The following RAMAC variants were observed in gnomAD, a reference collection of about 807,000 sequenced individuals.
RAMAC encodes the protein RNA guanine-7 methyltransferase activating subunit.
A neutral mutation model predicts 17.9 loss-of-function variants in RAMAC; 11 were observed. The observed-to-expected ratio is 0.61, with a 90% CI of 0.39 to 1.02. The LOEUF (loss-of-function observed/expected upper bound fraction) is 1.02. Ranked by LOEUF, RAMAC falls within the 50% of genes least tolerant of loss-of-function variation. The pLI is 0.01. For missense variants in RAMAC, 109 were observed against 144.0 expected (o/e 0.76, Z 1.25); for synonymous variants, 27 against 48.4 (o/e 0.56, Z 1.84).
intron 2 of RAMAC, 158 bp from the exon 3 acceptor site, chr15:82,988,851 AT>A (rs781181852): frequency 1.7e-5 from 11 of 663,106 alleles, no homozygotes; most frequent in Admixed American, 1.3e-4. Flanking sequence ...AAAAAAAAAA[AT>A]GTTGAATTCA....
chr15:82,990,587 G>A lies in RAMAC; in HGVS notation c.*520G>A. The stretch of plus-strand genomic sequence containing the variant: ...TTGTTAAGTGACTATGGTACTTTGT[G>A]ATTCCTTAATCTATAGATGAGTCAG... On this transcript the variant is annotated 3_prime_UTR_variant, in exon 4 of 4. Transcript: ENST00000304191. 1.9e-6 allele frequency: 2 copies of A among 1,079,744 alleles called. No homozygotes were observed. Among genetic ancestry groups the A allele is most frequent in the Non-Finnish European group, 2.7e-6 (2 of 748,630 alleles). 66.9% of individuals were successfully genotyped at this position (1,079,744 alleles called of 1,614,324 possible). A position where few individuals can be genotyped will look rare whatever the true frequency, so the allele number is the denominator to read the frequency against.
Position 82,990,785 on chromosome 15 carries a change from T to G in RAMAC, c.*718T>G, listed in dbSNP as rs530283938. ...AACATAGCAGGTCAAAATTCACACA[T>G]AAGAAAGTTTAACTCTGTACTGTTC... On this transcript the variant is annotated 3_prime_UTR_variant, in exon 4 of 4. Coordinates refer to ENST00000304191, the MANE Select transcript of RAMAC (RefSeq NM_031452.4). 18 of 717,728 alleles carry G rather than the reference T, an allele frequency of 2.5e-5. No individual in the cohort carries two copies. In the African/African-American group the frequency reaches 2.8e-4, roughly 11 times the overall value. The allele number at this position is 717,728 out of a possible 1,614,324, so 44.5% of individuals were successfully genotyped here. A position where few individuals can be genotyped will look rare whatever the true frequency, so the allele number is the denominator to read the frequency against.
At position 82,989,004 on chromosome 15, in the gene RAMAC, G is replaced by C; in HGVS notation, c.-9-6G>C. 6.3e-7 allele frequency: 1 copy of C among 1,588,764 alleles called. No homozygotes were observed. The highest frequency in any genetic ancestry group is 8.6e-7 in the Non-Finnish European group (1 of 1,169,430). On this transcript the variant is annotated splice_polypyrimidine_tract_variant and splice_region_variant and intron_variant, in intron 2 of 3. Transcript: ENST00000304191. The stretch of plus-strand genomic sequence containing the variant: ...TTTTAATGGAAATGTCTTTAAAATT[G>C]TACAGATTTTCAGAATGACTGACAC...
At chr15:82,989,859 C>CT (rs1175162985) in intron 3 of RAMAC, 22 bp from the exon 4 acceptor site, 1 of 1,606,494 alleles carries the variant, frequency 6.2e-7, no homozygotes, top group African/African-American at 1.3e-5. Context: ...GTTTAAAGAT[C>CT]TTTTTTGTTT....
rs397854504 is a variant in RAMAC, at chr15:82,990,543, C to CT, written c.*490dup. ...CAGCAGTTGAAAGGTAAAACAATTG[C>CT]TTTTTTTTTTTTTTGCATTTGTTAA... On this transcript the variant is annotated 3_prime_UTR_variant, in exon 4 of 4. Coordinates refer to ENST00000304191, the MANE Select transcript of RAMAC (RefSeq NM_031452.4). 48,731 of 681,892 alleles carry CT rather than the reference C, an allele frequency of 0.071. 179 individuals carry two copies. Among genetic ancestry groups the CT allele is most frequent in the South Asian group, 0.11 (4,763 of 43,908 alleles). 42.2% of individuals were successfully genotyped at this position (681,892 alleles called of 1,614,324 possible). A position where few individuals can be genotyped will look rare whatever the true frequency, so the allele number is the denominator to read the frequency against.
rs1421944008 is a variant in RAMAC, at chr15:82,989,900, T to G, written c.190T>G (p.Phe64Val). 2.5e-6 allele frequency: 4 copies of G among 1,612,128 alleles called. No homozygotes were observed. Among genetic ancestry groups the G allele is most frequent in the Non-Finnish European group, 3.4e-6 (4 of 1,179,354 alleles). Residue 64 changes from phenylalanine (F) to valine (V), a missense_variant, in exon 4 of 4, where the codon TTC (phenylalanine) becomes GTC (valine). Phe to Val is a conservative substitution (Grantham distance 50). Transcript: ENST00000304191. ...RGNRLQDNRQ[F>V]RGRDNRWGWP... Reference sequence around the variant, plus strand: ...TTGTAGGTTGCAAGACAACAGACAGTTCAGAGGCAGGGACAACAGATGGGG... The same window carrying G: ...TTGTAGGTTGCAAGACAACAGACAGGTCAGAGGCAGGGACAACAGATGGGG...
In RAMAC at chr15:82,990,702, TG is replaced by T; in HGVS notation, c.*637del. On this transcript the variant is annotated 3_prime_UTR_variant, in exon 4 of 4. Coordinates refer to ENST00000304191, the MANE Select transcript of RAMAC (RefSeq NM_031452.4). ...ATTGTCAGTTTGTGTCTTGATCTGG[TG>T]GTGGTTGGGATAAGGGTACACATCA... 2 of 1,461,930 alleles carry T rather than the reference TG, an allele frequency of 1.4e-6. No individual in the cohort carries two copies. The highest frequency in any genetic ancestry group is 1.9e-6 in the Non-Finnish European group (2 of 1,065,884). 90.6% of individuals were successfully genotyped at this position (1,461,930 alleles called of 1,614,324 possible).
chr15:82,986,744 G>A (rs915105052), intron 1 of RAMAC, among the ~76,000 whole-genome samples: 1 of 152,138 alleles, frequency 6.6e-6, no homozygotes, highest in Non-Finnish European at 1.5e-5. Context: ...GAATAAATTA[G>A]CAGTATTCAA....
In RAMAC at chr15:82,990,079, G is replaced by A; in HGVS notation, c.*12G>A. ...ACGGTTACTACTGATAGAAATGTTG[G>A]CAGCTTTTAGTAAAAGCATTTACTC... On this transcript the variant is annotated 3_prime_UTR_variant, in exon 4 of 4. Coordinates refer to ENST00000304191, the MANE Select transcript of RAMAC (RefSeq NM_031452.4). 7.9e-7 allele frequency: 1 copy of A among 1,263,872 alleles called. No homozygotes were observed. Among genetic ancestry groups the A allele is most frequent in the Non-Finnish European group, 1.1e-6 (1 of 940,650 alleles). 78.3% of individuals were successfully genotyped at this position (1,263,872 alleles called of 1,614,324 possible).
chr15:82,990,229 C>T lies in RAMAC; in HGVS notation c.*162C>T, dbSNP rs965674211. Reference sequence around the variant, plus strand: ...AAAAATAGATCTTACTTGCGAAATGCGATGGTTGCTGGGAATACCTGAAAC... The same window carrying T: ...AAAAATAGATCTTACTTGCGAAATGTGATGGTTGCTGGGAATACCTGAAAC... On this transcript the variant is annotated 3_prime_UTR_variant, in exon 4 of 4. Coordinates refer to ENST00000304191, the MANE Select transcript of RAMAC (RefSeq NM_031452.4). 13 of 299,218 alleles carry T rather than the reference C, an allele frequency of 4.3e-5. No homozygotes were observed. Among genetic ancestry groups the T allele is most frequent in the African/African-American group, 2.0e-4 (4 of 19,756 alleles). The allele number at this position is 299,218 out of a possible 1,614,324, so 18.5% of individuals were successfully genotyped here.
At position 82,990,039 on chromosome 15, in the gene RAMAC, A is replaced by T; in HGVS notation, c.329A>T (p.Asn110Ile). 6.6e-7 allele frequency: 1 copy of T among 1,522,756 alleles called. No homozygotes were observed. The highest frequency in any genetic ancestry group is 8.9e-7 in the Non-Finnish European group (1 of 1,119,610). The allele number at this position is 1,522,756 out of a possible 1,614,324, so 94.3% of individuals were successfully genotyped here. The change falls in exon 4 of 4, where the codon AAC becomes ATC. Residue 110 changes from asparagine (N) to isoleucine (I), a missense_variant. By Grantham distance (149) the Asn-to-Ile change is moderately radical. Transcript: ENST00000304191. ...YPQQYGHYGY[N>I]QRPPYGYY ...CAGCAATATGGACATTATGGTTACAACCAGCGGCCTCCTTACGGTTACTAC... is the reference window on the plus strand; with the variant it reads ...CAGCAATATGGACATTATGGTTACATCCAGCGGCCTCCTTACGGTTACTAC...
Position 82,990,009 on chromosome 15 carries a change from A to G in RAMAC, c.299A>G (p.Tyr100Cys), listed in dbSNP as rs755841042. The G allele has an allele frequency of 1.5e-5, 24 of 1,582,884 alleles. No individual in the cohort carries two copies. The highest frequency in any genetic ancestry group is 4.5e-5 in the East Asian group (2 of 44,314). The part of the protein sequence containing the change: ...NYPQHRQEPY[Y>C]PQQYGHYGYN... ...CCGCAACACAGACAAGAACCTTACT[A>G]TCCCCAGCAATATGGACATTATGGT... is the stretch of plus-strand genomic sequence containing the variant. Residue 100 changes from tyrosine to cysteine, a missense_variant, in exon 4 of 4, where the codon TAT becomes TGT. Physicochemically the swap from Tyr to Cys is radical, Grantham distance 194. Coordinates refer to ENST00000304191, the MANE Select transcript of RAMAC (RefSeq NM_031452.4).
chr15:82,988,346 G>GA (rs1415871407), intron 2 of RAMAC: 27 of 162,658 alleles, frequency 1.7e-4, no homozygotes, highest in Admixed American at 1.2e-3. Flanking sequence ...AAAGGAAAAA[G>GA]AAAAAATCTA....
rs565005808 is a variant in RAMAC at position 82,989,499 on chromosome 15, A to T, written c.170+311A>T. Among the ~76,000 whole-genome samples, 54 of 152,366 alleles carry T rather than the reference A, an allele frequency of 3.5e-4. 1 individual carries two copies. Among genetic ancestry groups the T allele is most frequent in the Non-Finnish European group, 3.4e-4 (23 of 68,038 alleles). On this transcript the variant is annotated intron_variant, in intron 3 of 3. Coordinates refer to ENST00000304191, the MANE Select transcript of RAMAC (RefSeq NM_031452.4). ...TTCTACAGCTTGTTCAATTCCATAA[A>T]GAAAACATTGTTTCGATTTTACTTT... is the stretch of plus-strand genomic sequence containing the variant.
chr15:82,989,444 A>T (rs1429311041), intron 3 of RAMAC, among the ~76,000 whole-genome samples: 1 of 152,172 alleles, frequency 6.6e-6, no homozygotes, highest in African/African-American at 2.4e-5. Context: ...TAATATTTTC[A>T]ATGCAAATCT....
intron 3 of RAMAC, 32 bp downstream of exon 3, chr15:82,989,220 T>A: frequency 6.2e-7 from 1 of 1,605,840 alleles, no homozygotes; most frequent in Admixed American, 1.7e-5. Flanking sequence ...TGCAGATAGT[T>A]GATCTGGCAG....
rs968575425 is a variant in RAMAC, at chr15:82,990,601, T to C, written c.*534T>C. ...TGGTACTTTGTGATTCCTTAATCTA[T>C]AGATGAGTCAGCTCCACACTTGAGT... is the stretch of plus-strand genomic sequence containing the variant. On this transcript the variant is annotated 3_prime_UTR_variant, in exon 4 of 4. Coordinates refer to ENST00000304191, the MANE Select transcript of RAMAC (RefSeq NM_031452.4). 16 of 1,413,764 alleles carry C rather than the reference T, an allele frequency of 1.1e-5. No homozygotes were observed. The highest frequency in any genetic ancestry group is 3.7e-5 in the South Asian group (3 of 80,834). The allele number at this position is 1,413,764 out of a possible 1,614,324, so 87.6% of individuals were successfully genotyped here.
At chr15:82,988,928 C>G in intron 2 of RAMAC, 82 bp from the exon 3 acceptor site, 1 of 1,337,196 alleles carries the variant, frequency 7.5e-7, no homozygotes, top group African/African-American at 1.5e-5. Context: ...CTAAAAATTG[C>G]TTACTTCTTG....
chr15:82,988,985 T>C (rs1208655285), intron 2 of RAMAC, 25 bp from the exon 3 acceptor site: 22 of 1,550,398 alleles, frequency 1.4e-5, no homozygotes, highest in Non-Finnish European at 1.7e-5. Context: ...TTTTTTTTAA[T>C]GGAAATGTCT....
Sources: gnomAD v4.1 joint callset for allele counts (sites outside exome capture counted in the v4.1 genomes callset) on GRCh38, gnomAD v4.1.1 for gene constraint, MANE v1.5 for transcripts, NCBI Gene and HGNC (gene_info 2026-07-23, HGNC 2026-07-21) for gene names.